The following PDE1C variants were observed in gnomAD, a reference collection of about 807,000 sequenced individuals.
The protein encoded by PDE1C is phosphodiesterase 1C, also known as dual specificity calcium/calmodulin-dependent 3',5'-cyclic nucleotide phosphodiesterase 1C.
A neutral mutation model predicts 93.1 loss-of-function variants in PDE1C; 62 were observed. The observed-to-expected ratio is 0.67, with a 90% CI of 0.54 to 0.82. PDE1C has a LOEUF of 0.82. Ranked by LOEUF, PDE1C falls within the 40% of genes least tolerant of loss-of-function variation. PDE1C has a pLI of 0.00. For synonymous variants in PDE1C, 325 were observed against 310.1 expected (o/e 1.05, Z -0.50); for missense variants, 742 against 884.6 (o/e 0.84, Z 2.04).
intron 1 of PDE1C, among the ~76,000 whole-genome samples, chr7:32,314,018 A>T (rs2128905338): frequency 6.6e-6 from 1 of 152,166 alleles, no homozygotes; most frequent in South Asian, 2.1e-4. Context: ...ATGTAGAATT[A>T]GTTACTACTA....
Position 31,984,610 on chromosome 7 carries a change from C to T in PDE1C, c.128+66944G>A, listed in dbSNP as rs145141875. Among the ~76,000 whole-genome samples, 632 of 152,282 alleles carry T rather than the reference C, an allele frequency of 4.2e-3. 3 individuals are homozygous for T. The highest frequency in any genetic ancestry group is 0.014 in the African/African-American group (581 of 41,564). ...AACAAGGAGACCCAAATTTTCACTG[C>T]GTGCACACTGGGCTCTGCAAATTAC... On this transcript the variant is annotated intron_variant, in intron 2 of 17. Transcript: ENST00000396191.
the PDE1C span, among the ~76,000 whole-genome samples, chr7:31,634,905 A>G: frequency 6.6e-6 from 1 of 152,170 alleles, no homozygotes; most frequent in East Asian, 1.9e-4. Context: ...GGAAAATGCC[A>G]CTGAGGGCAA....
chr7:32,261,814 G>A (rs1254752395), intron 1 of PDE1C, among the ~76,000 whole-genome samples: 5 of 152,144 alleles, frequency 3.3e-5, no homozygotes, highest in Non-Finnish European at 7.3e-5. Flanking sequence ...CATTCTCTCA[G>A]CATCAGTTCA....
the PDE1C span, among the ~76,000 whole-genome samples, chr7:31,685,943 G>T: frequency 6.6e-6 from 1 of 152,136 alleles, no homozygotes; most frequent in Non-Finnish European, 1.5e-5. Context: ...CTAACCCTAG[G>T]AGTCAACCTC....
intron 2 of PDE1C, among the ~76,000 whole-genome samples, chr7:31,967,671 G>C (rs1412831071): frequency 6.6e-6 from 1 of 152,146 alleles, no homozygotes; most frequent in Non-Finnish European, 1.5e-5. Flanking sequence ...GAGAATTTTA[G>C]ACCAATATCC....
At chr7:31,965,401 T>A (rs1442503385) in intron 2 of PDE1C, among the ~76,000 whole-genome samples, 1 of 151,860 alleles carries the variant, frequency 6.6e-6, no homozygotes, top group African/African-American at 2.4e-5. Context: ...GAAGAGAAGT[T>A]TAGAGAAAAA....
chr7:31,753,597 C>A, intron 17 of PDE1C, 44 bp from the exon 18 acceptor site: 2 of 1,572,742 alleles, frequency 1.3e-6, no homozygotes, highest in Non-Finnish European at 8.6e-7. Flanking sequence ...TAGCCTCACC[C>A]ACGACATGCC....
chr7:32,195,461 T>C (rs1381178543), intron 2 of PDE1C, among the ~76,000 whole-genome samples: 1 of 152,198 alleles, frequency 6.6e-6, no homozygotes, highest in African/African-American at 2.4e-5. Context: ...CCATGGCTTC[T>C]GATCAAAAAT....
chr7:31,956,455 C>G (rs1002969368), intron 2 of PDE1C, among the ~76,000 whole-genome samples: 1 of 151,696 alleles, frequency 6.6e-6, no homozygotes, highest in African/African-American at 2.4e-5. Context: ...CTCCTTCTGA[C>G]TCATCTATTT....
rs78180662 is a variant in PDE1C at position 32,398,882 on chromosome 7, G to A, written c.310+28940C>T. 8.2e-3 allele frequency among the ~76,000 whole-genome samples: 1,243 copies of A among 152,208 alleles called. 24 individuals carry two copies. Among genetic ancestry groups the A allele is most frequent in the African/African-American group, 0.028 (1,181 of 41,506 alleles). ...TCAGCCTCCCAGATTAGGTAAGGGT[G>A]GAAAGTGGGTTTGGAGGATTAAACA... On this transcript the variant is annotated intron_variant, in intron 1 of 1. Coordinates refer to the PDE1C transcript ENST00000672256.
chr7:32,374,256 G>GAAGAAAGAAAGAAA (rs1554314010), intron 1 of PDE1C, among the ~76,000 whole-genome samples: 1 of 113,250 alleles, frequency 8.8e-6, no homozygotes, highest in Non-Finnish European at 1.8e-5. Context: ...GAAAGGAAAG[G>GAAGAAAGAAAGAAA]AAGAAAGAAA....
chr7:31,806,792 T>C (rs762910368), intron 16 of PDE1C, among the ~76,000 whole-genome samples: 33 of 151,878 alleles, frequency 2.2e-4, no homozygotes, highest in Non-Finnish European at 1.3e-4. Flanking sequence ...TTCCCAGGGA[T>C]TGGTCTAGGG....
chr7:32,096,820 A>AAGATAGATAGATAGATAGATAGATAGAT (rs70989634), intron 3 of PDE1C, among the ~76,000 whole-genome samples: 12 of 144,482 alleles, frequency 8.3e-5, no homozygotes, highest in African/African-American at 1.0e-4. Context: ...AGGGGATAGA[A>AAGATAGATAGATAGATAGATAGATAGAT]AGATAGATAG....
chr7:32,270,968 T>C (rs1282184054), intron 1 of PDE1C, among the ~76,000 whole-genome samples: 1 of 145,988 alleles, frequency 6.8e-6, no homozygotes, highest in Non-Finnish European at 1.5e-5. Flanking sequence ...CCGTCTCTAC[T>C]AAAAAAAGAA....
rs1173993362 is a variant in PDE1C at position 32,283,076 on chromosome 7, A to T, written c.85+15575T>A. On this transcript the variant is annotated intron_variant, in intron 1 of 18. Transcript: ENST00000396193. ...CTTTCTACTCAACAATTCCTAAGGC[A>T]AAAAGGATTTATAAAGATGTAGAGA... is the stretch of plus-strand genomic sequence containing the variant. 2.6e-5 allele frequency among the ~76,000 whole-genome samples: 4 copies of T among 152,360 alleles called. No homozygotes were observed. The East Asian group carries it at 7.7e-4, about 29-fold the overall frequency.
intron 2 of PDE1C, among the ~76,000 whole-genome samples, chr7:31,963,128 A>G (rs1342599837): frequency 6.6e-6 from 1 of 152,206 alleles, no homozygotes; most frequent in Non-Finnish European, 1.5e-5. Flanking sequence ...GTCAACATAA[A>G]CATCATTAAT....
chr7:31,653,079 T>C, the PDE1C span: 29 of 897,514 alleles, frequency 3.2e-5, no homozygotes, highest in African/African-American at 4.2e-4. Flanking sequence ...ATACGGTCTC[T>C]GCCCTGCTAG....
intron 1 of PDE1C, among the ~76,000 whole-genome samples, chr7:32,292,897 G>A (rs774789620): frequency 4.6e-5 from 7 of 152,166 alleles, no homozygotes; most frequent in Admixed American, 1.3e-4. Flanking sequence ...GTGTGGCTCC[G>A]GAAAGTGCAT....
At chr7:31,629,397 C>A in the PDE1C span, among the ~76,000 whole-genome samples, 10 of 152,282 alleles carry the variant, frequency 6.6e-5, no homozygotes, top group African/African-American at 2.4e-4. Flanking sequence ...TTACTCCATG[C>A]CACGAAGCTC....
Sources: allele counts gnomAD v4.1 joint callset (sites outside exome capture counted in the v4.1 genomes callset), GRCh38; gene constraint gnomAD v4.1.1; transcripts MANE v1.5; gene names NCBI Gene and HGNC (gene_info 2026-07-23, HGNC 2026-07-21).